NHERF4: variants seen among roughly 807,000 people sequenced by gnomAD.
The protein encoded by NHERF4 is NHERF family PDZ scaffold protein 4.
the NHERF4 span, chr11:119,188,475 T>C: frequency 6.7e-5 from 108 of 1,611,044 alleles, no homozygotes; most frequent in East Asian, 2.0e-3. Flanking sequence ...GAGGAGACAG[T>C]GTCCAGGATC....
At chr11:119,187,580 C>A in the NHERF4 span, 1 of 1,590,618 alleles carries the variant, frequency 6.3e-7, no homozygotes. Flanking sequence ...AGGGTCCTTT[C>A]TGGTTGGTGC....
At chr11:119,187,904 C>T in the NHERF4 span, 1 of 1,501,554 alleles carries the variant, frequency 6.7e-7, no homozygotes. Context: ...TCTCCCTGCC[C>T]AGGTGTTATA....
At chr11:119,186,292 G>A in the NHERF4 span, 1 of 1,601,124 alleles carries the variant, frequency 6.2e-7, no homozygotes, top group Non-Finnish European at 8.5e-7. This position sits in a 1 kb window ranked among gnomAD's most constrained non-coding sequence, Gnocchi z 4.4. Context: ...TGGGAGTAGA[G>A]ATAGGAGGGG....
the NHERF4 span, chr11:119,185,523 G>C: frequency 1.9e-5 from 30 of 1,613,702 alleles, no homozygotes; most frequent in African/African-American, 3.6e-4. Flanking sequence ...AGGAGGCCAG[G>C]AGAAATCCTC....
At chr11:119,187,843 G>C in the NHERF4 span, 3 of 1,465,442 alleles carry the variant, frequency 2.0e-6, no homozygotes, top group African/African-American at 2.9e-5. Flanking sequence ...GTTTGTGCCA[G>C]GCTCCACTTA....
the NHERF4 span, chr11:119,187,140 CAA>C: frequency 0.042 from 20,211 of 484,180 alleles, no homozygotes; most frequent in South Asian, 0.061. Flanking sequence ...AACTCCATCT[CAA>C]AAAAAAAAAA....
the NHERF4 span, chr11:119,188,549 A>T: frequency 6.3e-7 from 1 of 1,599,578 alleles, no homozygotes; most frequent in Admixed American, 1.7e-5. Flanking sequence ...CTTCTTCAGC[A>T]TGGTGCGTGC....
chr11:119,185,495 A>G, the NHERF4 span: 4 of 1,614,016 alleles, frequency 2.5e-6, no homozygotes, highest in South Asian at 3.3e-5. Context: ...TGATCCAGCT[A>G]TGGAGAAAGC....
the NHERF4 span, chr11:119,186,704 C>A: frequency 1.3e-6 from 2 of 1,585,716 alleles, no homozygotes; most frequent in South Asian, 2.3e-5. This position sits in a 1 kb window ranked among gnomAD's most constrained non-coding sequence, Gnocchi z 4.4. Flanking sequence ...AGGCTGTGGT[C>A]CAGGAGAGCA....
chr11:119,189,148 G>C, the NHERF4 span: 1 of 1,613,782 alleles, frequency 6.2e-7, no homozygotes, highest in Admixed American at 1.7e-5. This position sits in a 1 kb window ranked among gnomAD's most constrained non-coding sequence, Gnocchi z 5.8. Context: ...TCTGCCTGAA[G>C]CTGGCAGCCA....
the NHERF4 span, chr11:119,186,400 G>T: frequency 1.9e-6 from 3 of 1,572,394 alleles, no homozygotes; most frequent in East Asian, 6.7e-5. This position sits in a 1 kb window ranked among gnomAD's most constrained non-coding sequence, Gnocchi z 4.4. Flanking sequence ...AGGACACAGG[G>T]TCTGCCAGGC....
the NHERF4 span, chr11:119,185,831 T>C: frequency 6.4e-7 from 1 of 1,561,748 alleles, no homozygotes; most frequent in East Asian, 2.2e-5. Flanking sequence ...GTTTGGGGGT[T>C]TCCCTGAGTC....
At chr11:119,187,367 C>T in the NHERF4 span, 11 of 1,613,932 alleles carry the variant, frequency 6.8e-6, no homozygotes, top group Non-Finnish European at 7.6e-6. Context: ...GGAGAAGATG[C>T]CCACCTCTGT....
the NHERF4 span, chr11:119,189,188 C>T: frequency 6.2e-7 from 1 of 1,609,994 alleles, no homozygotes; most frequent in Non-Finnish European, 8.5e-7. The surrounding 1 kb of genome is among the most constrained non-coding windows in gnomAD (Gnocchi z 5.8). Flanking sequence ...AGCCTGGATT[C>T]CCCCTGGGGC....
the NHERF4 span, among the ~76,000 whole-genome samples, chr11:119,187,096 C>T: frequency 1.4e-5 from 2 of 145,736 alleles, no homozygotes; most frequent in South Asian, 2.1e-4. Flanking sequence ...GCTGAGATCG[C>T]ACCATTGCAC....
the NHERF4 span, chr11:119,186,507 C>CTGTTTCT: frequency 6.2e-7 from 1 of 1,614,088 alleles, no homozygotes; most frequent in Non-Finnish European, 8.5e-7. This position sits in a 1 kb window ranked among gnomAD's most constrained non-coding sequence, Gnocchi z 4.4. Context: ...GGCCTCGCTT[C>CTGTTTCT]TGTTTACTGA....
chr11:119,190,166 AAAAC>A, the NHERF4 span: 1 of 951,338 alleles, frequency 1.1e-6, no homozygotes, highest in Non-Finnish European at 1.5e-6. The surrounding 1 kb of genome is among the most constrained non-coding windows in gnomAD (Gnocchi z 4.2). Flanking sequence ...AACAACAACA[AAAAC>A]AAAAAAAGAA....
At chr11:119,188,208 T>C in the NHERF4 span, 16 of 1,527,646 alleles carry the variant, frequency 1.0e-5, no homozygotes, top group East Asian at 2.4e-5. Context: ...CAAGCGTATA[T>C]ACACCTTTCA....
chr11:119,189,479 C>T, the NHERF4 span: 30 of 1,614,146 alleles, frequency 1.9e-5, no homozygotes, highest in Admixed American at 1.5e-4. This position sits in a 1 kb window ranked among gnomAD's most constrained non-coding sequence, Gnocchi z 5.8. Context: ...GCTCTGGCCT[C>T]GGATCTACTG....
Sources: gnomAD v4.1 joint callset for allele counts (sites outside exome capture counted in the v4.1 genomes callset) on GRCh38, gnomAD v4.1.1 for gene constraint, Gnocchi (gnomAD v3.1) non-coding constraint, MANE v1.5 for transcripts, NCBI Gene and HGNC (gene_info 2026-07-23, HGNC 2026-07-21) for gene names.